The following ZNF600 variants were observed in gnomAD, a reference collection of about 807,000 sequenced individuals.
ZNF600 encodes the protein zinc finger protein KR-ZNF1.
A neutral mutation model predicts 7.3 loss-of-function variants in ZNF600; 4 were observed. The observed-to-expected ratio is 0.55, with a 90% confidence interval of 0.27 to 1.25. ZNF600 has a LOEUF of 1.25. ZNF600 is among the 50% of genes most tolerant of loss of function. The pLI is 0.12. For synonymous variants in ZNF600, 290 were observed against 308.9 expected (o/e 0.94, Z 0.64); for missense variants, 911 against 922.1 (o/e 0.99, Z 0.16).
At chr19:52,789,824 G>A (rs2062786791), upstream of ZNF600, among the ~76,000 whole-genome samples, 3 of 152,182 alleles carry the variant, frequency 2.0e-5, no homozygotes, top group Non-Finnish European at 4.4e-5. Context: ...TGAGCAACAT[G>A]GCTGTTTATT....
chr19:52,774,844 A>G, intron 2 of ZNF600, 143 bp from the exon 5 acceptor site: 1 of 973,634 alleles, frequency 1.0e-6, no homozygotes, highest in Middle Eastern at 5.3e-4. Flanking sequence ...TTTTTTCCCT[A>G]TAGTTGCATT....
chr19:52,784,649 T>C (rs1237100487), intron 1 of ZNF600, among the ~76,000 whole-genome samples: 1 of 152,190 alleles, frequency 6.6e-6, no homozygotes, highest in African/African-American at 2.4e-5. Context: ...AACAAGGTAT[T>C]AGATGATATA....
At chr19:52,795,844 G>A in the ZNF600 span, among the ~76,000 whole-genome samples, 3 of 151,144 alleles carry the variant, frequency 2.0e-5, no homozygotes, top group East Asian at 3.9e-4. Flanking sequence ...GGGATTACAG[G>A]TGTGAGCCAC....
chr19:52,766,401 C>T, exon 4 of ZNF600: 1 of 1,614,108 alleles, frequency 6.2e-7, no homozygotes, highest in Non-Finnish European at 8.5e-7. Flanking sequence ...TGATCCACAA[C>T]TGAAAACCTT....
chr19:52,832,616 CAATT>C, the ZNF600 span, among the ~76,000 whole-genome samples: 1 of 151,946 alleles, frequency 6.6e-6, no homozygotes, highest in African/African-American at 2.4e-5. Flanking sequence ...ATAAATAAAA[CAATT>C]AGCCGCTTGT....
At chr19:52,775,156 C>T (rs1370845936) in intron 2 of ZNF600, among the ~76,000 whole-genome samples, 1 of 152,154 alleles carries the variant, frequency 6.6e-6, no homozygotes, top group Non-Finnish European at 1.5e-5. Flanking sequence ...AGGAGAATCA[C>T]TTGAACCCAG....
At chr19:52,773,582 C>T (rs2062648234) in intron 3 of ZNF600, among the ~76,000 whole-genome samples, 1 of 152,082 alleles carries the variant, frequency 6.6e-6, no homozygotes, top group African/African-American at 2.4e-5. Flanking sequence ...TTTGTGAAAA[C>T]AGAGCCAGGC....
chr19:52,810,640 A>T, the ZNF600 span: 1 of 1,309,292 alleles, frequency 7.6e-7, no homozygotes, highest in Non-Finnish European at 1.1e-6. Flanking sequence ...CAGTGGTTTT[A>T]ACAGCAGGCT....
At chr19:52,831,180 A>C in the ZNF600 span, among the ~76,000 whole-genome samples, 1 of 152,202 alleles carries the variant, frequency 6.6e-6, no homozygotes, top group East Asian at 1.9e-4. Flanking sequence ...GGAGTGCAGC[A>C]ATGAAGGAGA....
chr19:52,813,238 A>C, the ZNF600 span, among the ~76,000 whole-genome samples: 1 of 116,996 alleles, frequency 8.5e-6, no homozygotes, highest in Non-Finnish European at 1.8e-5. Context: ...AAGATTAAAA[A>C]CTTGAATGGT....
At chr19:52,770,799 G>A (rs1568627669) in intron 3 of ZNF600, among the ~76,000 whole-genome samples, 2 of 152,110 alleles carry the variant, frequency 1.3e-5, no homozygotes, top group Non-Finnish European at 2.9e-5. Flanking sequence ...TTGACTAATT[G>A]TGAATAGGAC....
chr19:52,799,000 G>C, the ZNF600 span: 1 of 883,380 alleles, frequency 1.1e-6, no homozygotes, highest in African/African-American at 1.7e-5. Flanking sequence ...CAAAAGCCTT[G>C]TTACAAACCT....
the ZNF600 span, chr19:52,800,607 C>A: frequency 6.2e-7 from 1 of 1,613,758 alleles, no homozygotes; most frequent in African/African-American, 1.3e-5. Flanking sequence ...ACAAACCTTA[C>A]ATTTGTATGG....
At chr19:52,789,916 T>C (rs572316051), upstream of ZNF600, among the ~76,000 whole-genome samples, 1 of 151,180 alleles carries the variant, frequency 6.6e-6, no homozygotes, top group Non-Finnish European at 1.5e-5. Context: ...AAGATTTGGG[T>C]AGGTAAAGGA....
chr19:52,830,917 G>A, the ZNF600 span, among the ~76,000 whole-genome samples: 359 of 140,216 alleles, frequency 2.6e-3, 75 homozygotes, highest in African/African-American at 9.6e-3. Flanking sequence ...TCTTGAGCTC[G>A]GAGGAAAGTG....
chr19:52,783,946 T>C (rs983302670), intron 1 of ZNF600, among the ~76,000 whole-genome samples: 1 of 152,102 alleles, frequency 6.6e-6, no homozygotes, highest in Non-Finnish European at 1.5e-5. Flanking sequence ...TGGTGGCGCA[T>C]GCCAGTAATC....
At chr19:52,800,665 G>T in the ZNF600 span, 30 of 1,612,212 alleles carry the variant, frequency 1.9e-5, no homozygotes, top group Non-Finnish European at 2.5e-5. Flanking sequence ...TGTGATTTGC[G>T]ACTGAAAACT....
At chr19:52,805,350 T>C in the ZNF600 span, 2 of 151,152 alleles carry the variant, frequency 1.3e-5, no homozygotes, top group Non-Finnish European at 2.9e-5. Flanking sequence ...CCAGGCCTGG[T>C]GTGGTGGTTC....
upstream of ZNF600, among the ~76,000 whole-genome samples, chr19:52,790,660 C>G (rs1398580479): frequency 2.0e-5 from 3 of 148,624 alleles, no homozygotes; most frequent in East Asian, 5.9e-4. Context: ...AGCCACAGAG[C>G]AACATTATCT....
Sources: allele counts gnomAD v4.1 joint callset (sites outside exome capture counted in the v4.1 genomes callset), GRCh38; gene constraint gnomAD v4.1.1; transcripts MANE v1.5; gene names NCBI Gene and HGNC (gene_info 2026-07-23, HGNC 2026-07-21).